The following KCND2 variants were observed in gnomAD, a reference collection of about 807,000 sequenced individuals.
KCND2 encodes the protein potassium voltage-gated channel subfamily D member 2.
Under a neutral mutation model 54.4 loss-of-function variants are expected in KCND2, and 16 were observed. The ratio of observed to expected loss-of-function variants is 0.29; its 90% CI spans 0.20 to 0.45. KCND2 has a LOEUF of 0.45. Among genes scored for constraint, KCND2 ranks in the 20% least tolerant of loss-of-function variants. KCND2 has a pLI of 1.00. For synonymous variants in KCND2, 317 were observed against 310.7 expected (o/e 1.02, Z -0.21); for missense variants, 486 against 824.2 (o/e 0.59, Z 5.02).
intron 1 of KCND2, among the ~76,000 whole-genome samples, chr7:120,479,783 C>A (rs10280698): frequency 0.28 from 35,551 of 124,910 alleles, 7,202 homozygotes; most frequent in African/African-American, 0.57. Flanking sequence ...TATATATAAA[C>A]TATACACACA....
intron 1 of KCND2, among the ~76,000 whole-genome samples, chr7:120,643,421 C>A (rs1793401448): frequency 6.6e-6 from 1 of 152,158 alleles, no homozygotes; most frequent in Middle Eastern, 3.4e-3. Flanking sequence ...TATATATACT[C>A]AAATGCAAAA....
chr7:120,535,618 T>C (rs988349468), intron 1 of KCND2, among the ~76,000 whole-genome samples: 8 of 152,184 alleles, frequency 5.3e-5, no homozygotes, highest in African/African-American at 1.9e-4. Flanking sequence ...CATGCACTGC[T>C]CACAAAGTAC....
At chr7:120,483,544 G>A (rs1462763487) in intron 1 of KCND2, among the ~76,000 whole-genome samples, 2 of 152,180 alleles carry the variant, frequency 1.3e-5, no homozygotes, top group Admixed American at 1.3e-4. Flanking sequence ...GAAAATATCT[G>A]CATTTGGAGA....
chr7:120,275,112 C>T lies in KCND2; in HGVS notation c.480C>T (p.Ser160=), dbSNP rs761095237. 2 of 1,613,634 alleles carry T rather than the reference C, an allele frequency of 1.2e-6. No individual in the cohort carries two copies. Among genetic ancestry groups the T allele is most frequent in the South Asian group, 2.2e-5 (2 of 91,074 alleles). The part of the protein sequence containing the change: ...DDADTDTAGE[S]ALPTMTARQR... ...CGGATACCGACACCGCTGGGGAGAGCGCCTTGCCCACCATGACTGCAAGGC... is the reference window on the plus strand; with the variant it reads ...CGGATACCGACACCGCTGGGGAGAGTGCCTTGCCCACCATGACTGCAAGGC... The change falls in exon 1 of 6, where the codon AGC becomes AGT. Residue 160 remains serine, a synonymous_variant. Coordinates refer to ENST00000331113, the MANE Select transcript of KCND2 (RefSeq NM_012281.3).
At chr7:120,544,831 A>G (rs1177994728) in intron 1 of KCND2, among the ~76,000 whole-genome samples, 1 of 151,952 alleles carries the variant, frequency 6.6e-6, no homozygotes, top group African/African-American at 2.4e-5. Context: ...GTTCAAAATC[A>G]CCTGGTTTTC....
At chr7:120,426,595 T>G (rs993120371) in intron 1 of KCND2, among the ~76,000 whole-genome samples, 71 of 144,290 alleles carry the variant, frequency 4.9e-4, no homozygotes, top group South Asian at 1.3e-3. Flanking sequence ...TTTGTTTTTT[T>G]TTTTTTTTTT....
chr7:120,427,895 A>T (rs1801735817), intron 1 of KCND2, among the ~76,000 whole-genome samples: 1 of 152,128 alleles, frequency 6.6e-6, no homozygotes, highest in African/African-American at 2.4e-5. Context: ...TAGTGATAGT[A>T]TCCTTCTGTA....
At chr7:120,742,449 C>A in intron 3 of KCND2, 61 bp from the exon 4 acceptor site, 6 of 1,300,598 alleles carry the variant, frequency 4.6e-6, no homozygotes, top group Non-Finnish European at 6.7e-6. Flanking sequence ...AAATATGTAG[C>A]CGAGGTTCGA....
chr7:120,387,911 A>T (rs1801013390), intron 1 of KCND2, among the ~76,000 whole-genome samples: 1 of 152,066 alleles, frequency 6.6e-6, no homozygotes, highest in African/African-American at 2.4e-5. Context: ...AAACAAACAC[A>T]AATCAACATA....
chr7:120,432,707 C>G (rs924584259), intron 1 of KCND2, among the ~76,000 whole-genome samples: 3 of 152,036 alleles, frequency 2.0e-5, no homozygotes, highest in African/African-American at 7.2e-5. Context: ...TGCACTGGCA[C>G]GATCTCGGCT....
intron 1 of KCND2, among the ~76,000 whole-genome samples, chr7:120,325,139 C>T (rs1281338723): frequency 2.1e-5 from 3 of 145,980 alleles, no homozygotes; most frequent in East Asian, 2.0e-4. Flanking sequence ...GTGATTTTTG[C>T]ACATTGATTT....
rs553716141 is a variant in KCND2 at position 120,554,187 on chromosome 7, T to C, written c.1116-178716T>C. Among the ~76,000 whole-genome samples, 10 of 152,342 alleles carry C rather than the reference T, an allele frequency of 6.6e-5. No individual in the cohort carries two copies. In the South Asian group the frequency reaches 2.1e-3, roughly 32 times the overall value. ...ATTCAAAAGGCAGCAACTCACATAG[T>C]AGTTAAGAAAACTTACTCAATCATA... On this transcript the variant is annotated intron_variant, in intron 1 of 5. Coordinates refer to ENST00000331113, the MANE Select transcript of KCND2 (RefSeq NM_012281.3).
At chr7:120,628,771 A>G (rs1210530811) in intron 1 of KCND2, among the ~76,000 whole-genome samples, 1 of 152,172 alleles carries the variant, frequency 6.6e-6, no homozygotes, top group African/African-American at 2.4e-5. Context: ...ATAAATGGAT[A>G]GCACCCCAGG....
At chr7:120,498,800 A>G (rs994986814) in intron 1 of KCND2, among the ~76,000 whole-genome samples, 4 of 152,086 alleles carry the variant, frequency 2.6e-5, no homozygotes, top group Admixed American at 6.6e-5. Flanking sequence ...AAAGTAAAAT[A>G]AAATAAAATA....
At chr7:120,553,581 G>A (rs1792127163) in intron 1 of KCND2, among the ~76,000 whole-genome samples, 1 of 152,068 alleles carries the variant, frequency 6.6e-6, no homozygotes, top group Admixed American at 6.6e-5. Flanking sequence ...TGTATACTGT[G>A]TATTTCATAT....
At chr7:120,446,565 T>C (rs56095294) in intron 1 of KCND2, among the ~76,000 whole-genome samples, 7,115 of 91,448 alleles carry the variant, frequency 0.078, 216 homozygotes, top group African/African-American at 0.24. Context: ...CACACACACA[T>C]ACACATACAC....
chr7:120,428,956 A>C (rs1211641093), intron 1 of KCND2, among the ~76,000 whole-genome samples: 2 of 152,160 alleles, frequency 1.3e-5, no homozygotes, highest in African/African-American at 4.8e-5. Flanking sequence ...CAAAACCCCA[A>C]AATAAGGAAT....
intron 1 of KCND2, among the ~76,000 whole-genome samples, chr7:120,628,393 A>T (rs186297099): frequency 6.6e-6 from 1 of 152,334 alleles, no homozygotes; most frequent in Admixed American, 6.5e-5. Flanking sequence ...TGAGCAAATC[A>T]GTGTTTCACA....
At chr7:120,398,555 G>GA (rs1245891199) in intron 1 of KCND2, among the ~76,000 whole-genome samples, 2 of 152,126 alleles carry the variant, frequency 1.3e-5, no homozygotes, top group African/African-American at 2.4e-5. Context: ...AGGCTTTACA[G>GA]AAAAAATAGT....
Sources: allele counts gnomAD v4.1 joint callset (sites outside exome capture counted in the v4.1 genomes callset), GRCh38; gene constraint gnomAD v4.1.1; transcripts MANE v1.5; gene names NCBI Gene and HGNC (gene_info 2026-07-23, HGNC 2026-07-21).